EPHA3: variants seen among roughly 807,000 people sequenced by gnomAD.
EPHA3 encodes the protein ephrin type-A receptor 3.
In EPHA3, 42 loss-of-function variants were observed where a neutral mutation model predicts 107.1. The ratio of observed to expected loss-of-function variants is 0.39; its 90% confidence interval spans 0.31 to 0.51. EPHA3 has a LOEUF of 0.51. Ranked by LOEUF, EPHA3 falls within the 20% of genes least tolerant of loss-of-function variation. The pLI is 0.78. For missense variants in EPHA3, 1,183 were observed against 1,211.2 expected, an observed-to-expected ratio of 0.98 and a Z score of 0.35; for synonymous variants, 461 against 424.8, an observed-to-expected ratio of 1.09 and a Z score of -1.05.
intron 2 of EPHA3, among the ~76,000 whole-genome samples, chr3:89,192,699 A>G (rs1281929894): frequency 6.6e-6 from 1 of 152,064 alleles, no homozygotes. Flanking sequence ...CTTGGATTTC[A>G]TATTTTGAAT....
At chr3:89,404,932 T>C (rs1709029406) in intron 7 of EPHA3, among the ~76,000 whole-genome samples, 1 of 152,194 alleles carries the variant, frequency 6.6e-6, no homozygotes. Flanking sequence ...TATATGTTTA[T>C]GGAGCATTTT....
chr3:89,428,930 T>G (rs546926834), intron 11 of EPHA3, among the ~76,000 whole-genome samples, 176 bp from the exon 12 acceptor site: 6 of 152,224 alleles, frequency 3.9e-5, no homozygotes, highest in Admixed American at 3.9e-4. Flanking sequence ...TTTTTGTGGT[T>G]TTTAAAGTTT....
chr3:89,407,997 C>A, intron 8 of EPHA3, 70 bp from the exon 9 acceptor site: 1 of 1,383,482 alleles, frequency 7.2e-7, no homozygotes, highest in Non-Finnish European at 1.0e-6. Flanking sequence ...ATGCTTTGCA[C>A]ATTCTGAGCA....
At position 89,367,586 on chromosome 3, in the gene EPHA3, C is replaced by CA. The variant is rs532130207; in HGVS notation, c.1306+25505dup. Among the ~76,000 whole-genome samples the CA allele has an allele frequency of 9.8e-4, 146 of 149,336 alleles. 4 individuals are homozygous for CA. The South Asian group carries it at 0.021, about 21-fold the overall frequency. ...ATTACAGAGGAGAAAAAAACAAAAA[C>CA]AAAAAAAAACTTCTTAGCCTCGAAA... On this transcript the variant is annotated intron_variant, in intron 5 of 16. Transcript: ENST00000336596.
chr3:89,327,557 G>A (rs1707192484), intron 3 of EPHA3, among the ~76,000 whole-genome samples: 1 of 152,130 alleles, frequency 6.6e-6, no homozygotes, highest in South Asian at 2.1e-4. Flanking sequence ...TGTACTATTA[G>A]ATGTGTTTTT....
chr3:89,449,499 T>C (rs1709945134), intron 14 of EPHA3, 125 bp downstream of exon 14: 1 of 773,574 alleles, frequency 1.3e-6, no homozygotes, highest in East Asian at 2.9e-5. Context: ...TTAGCAGCAA[T>C]GAAACTGTTT....
intron 2 of EPHA3, among the ~76,000 whole-genome samples, chr3:89,135,345 T>C (rs1380925206): frequency 6.6e-6 from 1 of 152,210 alleles, no homozygotes; most frequent in Non-Finnish European, 1.5e-5. Context: ...TTGATTGATC[T>C]TTATTTCAGC....
At chr3:89,321,997 T>C (rs1166888164) in intron 3 of EPHA3, among the ~76,000 whole-genome samples, 3 of 152,048 alleles carry the variant, frequency 2.0e-5, no homozygotes, top group Non-Finnish European at 4.4e-5. Flanking sequence ...TGGTATAAAG[T>C]TAACTTTAGA....
At chr3:89,396,843 G>A (rs1164921360) in intron 6 of EPHA3, among the ~76,000 whole-genome samples, 1 of 152,118 alleles carries the variant, frequency 6.6e-6, no homozygotes, top group Non-Finnish European at 1.5e-5. Flanking sequence ...CATTACTTAA[G>A]TCTGAGCTGT....
chr3:89,131,789 A>G (rs769149445), intron 2 of EPHA3, among the ~76,000 whole-genome samples: 35 of 152,194 alleles, frequency 2.3e-4, no homozygotes, highest in Non-Finnish European at 4.3e-4. Flanking sequence ...ATATTTATTG[A>G]TGTCTTAGCG....
intron 3 of EPHA3, among the ~76,000 whole-genome samples, chr3:89,319,931 A>G (rs1472379680): frequency 1.3e-5 from 2 of 151,988 alleles, no homozygotes; most frequent in African/African-American, 2.4e-5. Flanking sequence ...TATATTTTAT[A>G]TAATGCTATA....
chr3:89,472,404 GACACA>G (rs1710421047), intron 15 of EPHA3, 55 bp from the exon 16 acceptor site: 1 of 1,543,472 alleles, frequency 6.5e-7, no homozygotes, highest in South Asian at 1.2e-5. Flanking sequence ...GTCAAATTTT[GACACA>G]CAGCAACTCT....
intron 4 of EPHA3, 98 bp from the exon 5 acceptor site, chr3:89,341,657 A>T (rs572452560): frequency 1.1e-6 from 1 of 926,940 alleles, no homozygotes; most frequent in South Asian, 1.7e-5. Flanking sequence ...AAGAAAGGAT[A>T]GTTATTTACC....
At chr3:89,220,602 T>C (rs1412049252) in intron 3 of EPHA3, among the ~76,000 whole-genome samples, 1 of 151,948 alleles carries the variant, frequency 6.6e-6, no homozygotes, top group East Asian at 1.9e-4. Flanking sequence ...CATTTGGAGG[T>C]TGAGGGTGTT....
At chr3:89,230,920 C>T (rs1225400901) in intron 3 of EPHA3, among the ~76,000 whole-genome samples, 1 of 151,654 alleles carries the variant, frequency 6.6e-6, no homozygotes, top group African/African-American at 2.4e-5. Context: ...TTTTGATGTA[C>T]AGGCATGGTC....
At chr3:89,294,818 C>T (rs1320276183) in intron 3 of EPHA3, among the ~76,000 whole-genome samples, 1 of 152,124 alleles carries the variant, frequency 6.6e-6, no homozygotes, top group Non-Finnish European at 1.5e-5. Flanking sequence ...GTTTCTCTCT[C>T]TATTATGAGT....
rs1054153645 is a variant in EPHA3 at position 89,480,096 on chromosome 3, T to C, written c.*594T>C. The stretch of plus-strand genomic sequence containing the variant: ...TTTAAATTGTTAGCTTCCTTAAGTA[T>C]ATCATGTAAAGAAATGTCTTAATTT... On this transcript the variant is annotated 3_prime_UTR_variant, in exon 17 of 17. Transcript: ENST00000336596. 9 of 232,822 alleles carry C rather than the reference T, an allele frequency of 3.9e-5. No individual in the cohort carries two copies. The highest frequency in any genetic ancestry group is 6.0e-5 in the Non-Finnish European group (7 of 117,596). The allele number at this position is 232,822 out of a possible 1,614,324, so 14.4% of individuals were successfully genotyped here.
intron 2 of EPHA3, among the ~76,000 whole-genome samples, chr3:89,144,591 T>G (rs1362355917): frequency 6.6e-6 from 1 of 151,850 alleles, no homozygotes; most frequent in Non-Finnish European, 1.5e-5. Context: ...CACTTTCATT[T>G]CTTTTCATAT....
At chr3:89,385,238 A>G (rs762388785) in intron 5 of EPHA3, among the ~76,000 whole-genome samples, 4 of 152,210 alleles carry the variant, frequency 2.6e-5, no homozygotes, top group Non-Finnish European at 5.9e-5. Flanking sequence ...AGTGGACAAT[A>G]AGAGTTTTAA....
Sources: gnomAD v4.1 joint callset for allele counts (sites outside exome capture counted in the v4.1 genomes callset) on GRCh38, gnomAD v4.1.1 for gene constraint, MANE v1.5 for transcripts, NCBI Gene and HGNC (gene_info 2026-07-23, HGNC 2026-07-21) for gene names.